Variants in GABRR2 observed in about 807,000 individuals in gnomAD.
GABRR2 encodes the protein gamma-aminobutyric acid receptor subunit rho-2.
In GABRR2, 36 loss-of-function variants were observed where a neutral mutation model predicts 47.0. The observed-to-expected ratio is 0.77, with a 90% CI of 0.59 to 1.01. The LOEUF (loss-of-function observed/expected upper bound fraction) is 1.01. Among genes scored for constraint, GABRR2 ranks in the 50% least tolerant of loss-of-function variants. The pLI is 0.00. For synonymous variants in GABRR2, 204 were observed against 227.5 expected (o/e 0.90, Z 0.93); for missense variants, 587 against 594.6 (o/e 0.99, Z 0.13).
intron 1 of GABRR2, among the ~76,000 whole-genome samples, chr6:89,306,572 A>G (rs564167020): frequency 6.6e-6 from 1 of 152,184 alleles, no homozygotes; most frequent in Non-Finnish European, 1.5e-5. Context: ...AGTTGCTCTG[A>G]CCATCCACCT....
At chr6:89,264,322 T>C (rs1773825445) in intron 8 of GABRR2, 90 bp downstream of exon 8, 1 of 1,408,836 alleles carries the variant, frequency 7.1e-7, no homozygotes. Context: ...TTTTTCTACA[T>C]GCAACCCCTG....
chr6:89,286,438 C>A (rs57997190), intron 2 of GABRR2, among the ~76,000 whole-genome samples: 1 of 152,026 alleles, frequency 6.6e-6, no homozygotes, highest in Non-Finnish European at 1.5e-5. Flanking sequence ...AAAATGGTAA[C>A]TATGTGAGGT....
At chr6:89,299,671 A>C in intron 2 of GABRR2, 88 bp downstream of exon 2, 15 of 787,944 alleles carry the variant, frequency 1.9e-5, no homozygotes, top group Non-Finnish European at 2.9e-5. Context: ...CATCTGAGGA[A>C]GCGCTGTGCC....
intron 2 of GABRR2, among the ~76,000 whole-genome samples, chr6:89,286,297 A>G (rs1393682279): frequency 6.6e-6 from 1 of 152,198 alleles, no homozygotes; most frequent in Admixed American, 6.5e-5. Context: ...TAAAGTGTAC[A>G]AGTTTCAGTT....
In GABRR2 at chr6:89,264,439, C is replaced by T. The variant is rs761003779; in HGVS notation, c.1059G>A (p.Glu353=). 1.2e-6 allele frequency: 2 copies of T among 1,614,034 alleles called. No individual in the cohort carries two copies. The highest frequency in any genetic ancestry group is 8.5e-7 in the Non-Finnish European group (1 of 1,179,932). ...AAVNYLTTVQ[E]RKERKLREKF... ...TCTCCCGCAGCTTCCGTTCCTTGCG[C>T]TCCTGCACGGTGGTCAGGTAGTTGA... Residue 353 remains glutamate (E), a synonymous_variant, in exon 8 of 9, where the codon GAG becomes GAA. Coordinates refer to ENST00000402938, the MANE Select transcript of GABRR2 (RefSeq NM_002043.5).
intron 3 of GABRR2, 148 bp downstream of exon 3, chr6:89,271,507 G>A (rs531078532): frequency 3.8e-5 from 24 of 628,726 alleles, no homozygotes; most frequent in Middle Eastern, 4.2e-4. Context: ...GAGAATGCCC[G>A]CTTTAGATTT....
chr6:89,268,911 C>T, intron 4 of GABRR2, 100 bp downstream of exon 4: 1 of 1,053,048 alleles, frequency 9.5e-7, no homozygotes. Context: ...ATCCACGAAC[C>T]CACAGACCCA....
chr6:89,265,020 T>C (rs1478157531), intron 7 of GABRR2, among the ~76,000 whole-genome samples: 2 of 152,154 alleles, frequency 1.3e-5, no homozygotes, highest in African/African-American at 4.8e-5. Context: ...TGGAAGACTG[T>C]GGAAATTCCC....
chr6:89,266,141 C>A (rs974666751), intron 6 of GABRR2, among the ~76,000 whole-genome samples: 5 of 152,202 alleles, frequency 3.3e-5, no homozygotes, highest in Admixed American at 2.0e-4. Context: ...CAGCTCACTG[C>A]AGCCTCAGCC....
intron 1 of GABRR2, among the ~76,000 whole-genome samples, chr6:89,301,191 T>TTCC (rs146128563): frequency 6.6e-6 from 1 of 151,640 alleles, no homozygotes; most frequent in Non-Finnish European, 1.5e-5. Flanking sequence ...TCAACACTCC[T>TTCC]TATTAAAAAC....
At chr6:89,308,520 A>C (rs1466302762) in intron 1 of GABRR2, among the ~76,000 whole-genome samples, 1 of 152,154 alleles carries the variant, frequency 6.6e-6, no homozygotes, top group African/African-American at 2.4e-5. Flanking sequence ...ATAATCACCA[A>C]AAGTTTTATT....
At chr6:89,268,967 C>T (rs774187983) in intron 4 of GABRR2, 44 bp downstream of exon 4, 1 of 1,565,792 alleles carries the variant, frequency 6.4e-7, no homozygotes, top group Non-Finnish European at 8.8e-7. Flanking sequence ...CCACACATAC[C>T]AGAAAGGCAC....
chr6:89,293,601 C>T (rs976415810), intron 2 of GABRR2, among the ~76,000 whole-genome samples: 7 of 152,088 alleles, frequency 4.6e-5, no homozygotes, highest in Admixed American at 2.0e-4. Context: ...AGCCTGGCAA[C>T]GTGGCGAAAA....
intron 2 of GABRR2, among the ~76,000 whole-genome samples, chr6:89,288,101 C>T (rs1204755373): frequency 6.6e-6 from 1 of 152,196 alleles, no homozygotes; most frequent in Non-Finnish European, 1.5e-5. Flanking sequence ...TAGTTCCCCT[C>T]CCCTTGAACC....
intron 2 of GABRR2, among the ~76,000 whole-genome samples, chr6:89,289,787 A>G (rs1408483509): frequency 6.6e-6 from 1 of 152,224 alleles, no homozygotes; most frequent in African/African-American, 2.4e-5. Flanking sequence ...TAATTTATAA[A>G]GAAAAGAAGT....
chr6:89,287,879 T>G (rs1218772538), intron 2 of GABRR2, among the ~76,000 whole-genome samples: 1 of 151,158 alleles, frequency 6.6e-6, no homozygotes, highest in Admixed American at 6.6e-5. Context: ...GATTACTCAC[T>G]TAATTCTTAG....
intron 8 of GABRR2, among the ~76,000 whole-genome samples, chr6:89,260,283 T>G (rs1442383918): frequency 1.3e-5 from 2 of 152,182 alleles, no homozygotes; most frequent in African/African-American, 4.8e-5. Flanking sequence ...GGGGGGTTAT[T>G]TATTTATTTA....
chr6:89,306,131 C>T (rs1212353553), intron 1 of GABRR2, among the ~76,000 whole-genome samples: 1 of 150,328 alleles, frequency 6.7e-6, no homozygotes, highest in East Asian at 2.0e-4. Context: ...ATTCCTATCA[C>T]TTTGGAAGGC....
chr6:89,304,588 C>CAAAAAAAGAAAAAAAAAAAAAA (rs1562390522), intron 1 of GABRR2, among the ~76,000 whole-genome samples: 1 of 126,726 alleles, frequency 7.9e-6, no homozygotes, highest in Admixed American at 8.3e-5. Flanking sequence ...GACTCCATCT[C>CAAAAAAAGAAAAAAAAAAAAAA]AAAAAAAAGA....
Sources: allele counts gnomAD v4.1 joint callset (sites outside exome capture counted in the v4.1 genomes callset), GRCh38; gene constraint gnomAD v4.1.1; transcripts MANE v1.5; gene names NCBI Gene and HGNC (gene_info 2026-07-23, HGNC 2026-07-21).